DNAJB2: variants seen among roughly 807,000 people sequenced by gnomAD.
DNAJB2 encodes the protein DnaJ heat shock protein family (Hsp40) member B2.
A neutral mutation model predicts 33.3 loss-of-function variants in DNAJB2; 19 were observed. That is an observed-to-expected ratio of 0.57 (90% CI 0.40 to 0.84). The LOEUF is 0.84. Among genes scored for constraint, DNAJB2 ranks in the 40% least tolerant of loss-of-function variants. The probability of loss-of-function intolerance (pLI) is 0.00; values close to 1 mark genes in which losing one functional copy is unlikely to be tolerated. For missense variants in DNAJB2, 368 were observed against 430.9 expected, an observed-to-expected ratio of 0.85 and a Z score of 1.29; for synonymous variants, 172 against 164.6, an observed-to-expected ratio of 1.04 and a Z score of -0.34.
intron 8 of DNAJB2, 124 bp from the exon 9 acceptor site, chr2:219,284,508 A>G (rs1951935765): frequency 7.8e-7 from 1 of 1,274,684 alleles, no homozygotes; most frequent in Non-Finnish European, 1.1e-6. Flanking sequence ...CTAGGTGCCA[A>G]AATGCATGTG....
chr2:219,279,744 C>A lies in DNAJB2; in HGVS notation c.-36-54C>A. On this transcript the variant is annotated intron_variant, in intron 1 of 8. Coordinates refer to ENST00000336576, the MANE Select transcript of DNAJB2 (RefSeq NM_006736.6). The surrounding 1 kb of genome is among the most constrained non-coding windows in gnomAD (Gnocchi z 4.9). Reference sequence around the variant, plus strand: ...CGCCACCCGGGGAGGGGGACTGCTGCAGCCACAGGGTGGGGCTCTTGGTTC... The same window carrying A: ...CGCCACCCGGGGAGGGGGACTGCTGAAGCCACAGGGTGGGGCTCTTGGTTC... 2 of 1,453,750 alleles carry A rather than the reference C, an allele frequency of 1.4e-6. No homozygotes were observed. The highest frequency in any genetic ancestry group is 9.5e-7 in the Non-Finnish European group (1 of 1,051,600). The allele number at this position is 1,453,750 out of a possible 1,614,324, so 90.1% of individuals were successfully genotyped here.
In DNAJB2 at chr2:219,286,058, C is replaced by A. The variant is rs1206449434; in HGVS notation, c.*1071C>A. 2 of 1,412,756 alleles carry A rather than the reference C, an allele frequency of 1.4e-6. No individual in the cohort carries two copies. The allele number at this position is 1,412,756 out of a possible 1,614,324, so 87.5% of individuals were successfully genotyped here. On this transcript the variant is annotated 3_prime_UTR_variant, in exon 9 of 9. Coordinates refer to ENST00000336576, the MANE Select transcript of DNAJB2 (RefSeq NM_006736.6). The stretch of plus-strand genomic sequence containing the variant: ...CAACAGGACAGCGCCTTCCCCCATG[C>A]GCTGGGAGGGGACCCTCCATTTCTC...
rs1574901952 is a variant in DNAJB2 at position 219,284,553 on chromosome 2, G to A, written c.620-79G>A. 4.0e-6 allele frequency: 6 copies of A among 1,507,156 alleles called. No individual in the cohort carries two copies. The East Asian group carries it at 1.1e-4, about 29-fold the overall frequency. The allele number at this position is 1,507,156 out of a possible 1,614,324, so 93.4% of individuals were successfully genotyped here. On this transcript the variant is annotated intron_variant, in intron 8 of 8. Coordinates refer to ENST00000336576, the MANE Select transcript of DNAJB2 (RefSeq NM_006736.6). ...CAAATAAGAGACTCTAAGTGGTCAG[G>A]GTTGTTACTGTGTGAGGCAGCCTGG... is the stretch of plus-strand genomic sequence containing the variant.
At chr2:219,280,492 T>C in intron 2 of DNAJB2, 86 bp from the exon 3 acceptor site, 1 of 1,044,382 alleles carries the variant, frequency 9.6e-7, no homozygotes, top group South Asian at 1.4e-5. Context: ...AGTGATAGGC[T>C]AATGGGAAAA....
chr2:219,286,116 CTGGGTGGCGGGT>C lies in DNAJB2; in HGVS notation c.*1130_*1141del. 4.3e-6 allele frequency: 1 copy of C among 233,248 alleles called. No individual in the cohort carries two copies. Among genetic ancestry groups the C allele is most frequent in the South Asian group, 5.6e-5 (1 of 17,776 alleles). The allele number at this position is 233,248 out of a possible 1,614,324, so 14.4% of individuals were successfully genotyped here. On this transcript the variant is annotated 3_prime_UTR_variant, in exon 9 of 9. Coordinates refer to ENST00000336576, the MANE Select transcript of DNAJB2 (RefSeq NM_006736.6). ...CCCATGCTGAGTGTAGAGCCGGGGC[CTGGGTGGCGGGT>C]GGGGGCCGGGTGGGAGGTGGCAGTA...
intron 6 of DNAJB2, 54 bp downstream of exon 6, chr2:219,282,983 T>C (rs938110004): frequency 6.4e-7 from 1 of 1,565,150 alleles, no homozygotes; most frequent in Non-Finnish European, 8.7e-7. Flanking sequence ...AACCCCTGGC[T>C]TGAGCTTGTT....
At chr2:219,284,590 C>T (rs771839803) in intron 8 of DNAJB2, 42 bp from the exon 9 acceptor site, 3 of 1,543,140 alleles carry the variant, frequency 1.9e-6, no homozygotes, top group Admixed American at 3.7e-5. Context: ...AGTAATACCC[C>T]TGGCTCAGGT....
chr2:219,282,019 C>T lies in DNAJB2; in HGVS notation c.310C>T (p.Arg104Trp), dbSNP rs1559286214. The change falls in exon 5 of 9, where the codon CGG becomes TGG. Residue 104 changes from arginine (R) to tryptophan (W), a missense_variant. Transcript: ENST00000336576. ...CTTCCGCAGCCCCGAGGAGGTCTTC[C>T]GGGAATTCTTTGGGAGTGGAGACCC... is the stretch of plus-strand genomic sequence containing the variant. Reference protein sequence around the residue: ...FTFRSPEEVFREFFGSGDPFA... With the variant: ...FTFRSPEEVFWEFFGSGDPFA... 1.9e-6 allele frequency: 3 copies of T among 1,614,202 alleles called. No homozygotes were observed. The highest frequency in any genetic ancestry group is 8.5e-7 in the Non-Finnish European group (1 of 1,180,038).
intron 2 of DNAJB2, among the ~76,000 whole-genome samples, chr2:219,280,360 A>G (rs531371952): frequency 1.4e-3 from 215 of 152,300 alleles, no homozygotes; most frequent in Non-Finnish European, 2.4e-3. Flanking sequence ...CTGGCATTGT[A>G]TCCGCTTGTA....
chr2:219,280,508 C>A, intron 2 of DNAJB2, 70 bp from the exon 3 acceptor site: 1 of 1,249,208 alleles, frequency 8.0e-7, no homozygotes. Flanking sequence ...GAAAACAGGT[C>A]GTTCGGTTCC....
intron 3 of DNAJB2, 184 bp downstream of exon 3, chr2:219,280,871 C>T (rs1336470934): frequency 1.7e-5 from 10 of 589,472 alleles, no homozygotes; most frequent in Non-Finnish European, 3.0e-5. Flanking sequence ...GTAGGAGTGG[C>T]TGGCATGAGA....
intron 6 of DNAJB2, 80 bp downstream of exon 6, chr2:219,283,009 T>A: frequency 6.4e-7 from 1 of 1,567,676 alleles, no homozygotes; most frequent in South Asian, 1.2e-5. Flanking sequence ...TCCAAGCCTG[T>A]CTCCTGTGTT....
intron 8 of DNAJB2, 106 bp downstream of exon 8, chr2:219,283,595 G>A: frequency 1.7e-6 from 2 of 1,210,802 alleles, no homozygotes; most frequent in Non-Finnish European, 2.3e-6. Flanking sequence ...GGGCTTGGGA[G>A]GGAGTGGCAA....
chr2:219,283,915 C>T (rs1259762000), intron 8 of DNAJB2, among the ~76,000 whole-genome samples: 1 of 152,084 alleles, frequency 6.6e-6, no homozygotes, highest in Non-Finnish European at 1.5e-5. Context: ...AGGAGTCAAA[C>T]TCAGGACGCA....
rs1951885224 is a variant in DNAJB2 at position 219,279,603 on chromosome 2, G to A, written c.-37+85G>A. The A allele has an allele frequency of 1.8e-6, 1 of 544,122 alleles. No homozygotes were observed. Among genetic ancestry groups the A allele is most frequent in the East Asian group, 3.3e-5 (1 of 30,640 alleles). The allele number at this position is 544,122 out of a possible 1,614,324, so 33.7% of individuals were successfully genotyped here. The stretch of plus-strand genomic sequence containing the variant: ...GCCCCGATAGGGCTCCTGGGCCTGG[G>A]CGTCGAGATAGCTCTTGGCCCCGGC... On this transcript the variant is annotated intron_variant, in intron 1 of 8. Coordinates refer to ENST00000336576, the MANE Select transcript of DNAJB2 (RefSeq NM_006736.6). This position sits in a 1 kb window ranked among gnomAD's most constrained non-coding sequence, Gnocchi z 4.9.
At position 219,284,839 on chromosome 2, in the gene DNAJB2, G is replaced by A. The variant is rs753991111; in HGVS notation, c.827G>A (p.Gly276Glu). ...GCAGCTGGGAAGAAACCCGCAGGTG[G>A]GCGGGAGGCACAGCACCGACGGCAG... ...MEAAGKKPAG[G>E]REAQHRRQGR... Residue 276 changes from glycine to glutamate, a missense_variant, in exon 9 of 9, where the codon GGG (glycine) becomes GAG (glutamate). Coordinates refer to ENST00000336576, the MANE Select transcript of DNAJB2 (RefSeq NM_006736.6). 1 of 1,611,668 alleles carries A rather than the reference G, an allele frequency of 6.2e-7. No individual in the cohort carries two copies. The highest frequency in any genetic ancestry group is 1.3e-5 in the African/African-American group (1 of 75,046).
Position 219,286,395 on chromosome 2 carries a change from G to C in DNAJB2, c.*1408G>C, listed in dbSNP as rs1392266688. On this transcript the variant is annotated 3_prime_UTR_variant, in exon 9 of 9. Transcript: ENST00000336576. ...TAGGGCTGGCAGGGTTGTAGATGAA[G>C]GGGGAATGATCTGAGCCTTGGTTCC... 5.1e-6 allele frequency: 1 copy of C among 196,478 alleles called. No individual in the cohort carries two copies. Among genetic ancestry groups the C allele is most frequent in the African/African-American group, 2.3e-5 (1 of 43,808 alleles). 12.2% of individuals were successfully genotyped at this position (196,478 alleles called of 1,614,324 possible). A position where few individuals can be genotyped will look rare whatever the true frequency, so the allele number is the denominator to read the frequency against.
Position 219,279,674 on chromosome 2 carries a change from G to A in DNAJB2, c.-36-124G>A, listed in dbSNP as rs1403672943. The stretch of plus-strand genomic sequence containing the variant: ...GCCGGAGGGAGCCTAGTCACCGGCC[G>A]CAAGCAGAGCCCGGTGTGCTCCGCT... On this transcript the variant is annotated intron_variant, in intron 1 of 8. Transcript: ENST00000336576. This position sits in a 1 kb window ranked among gnomAD's most constrained non-coding sequence, Gnocchi z 4.9. The A allele has an allele frequency of 1.7e-5, 12 of 709,762 alleles. No individual in the cohort carries two copies. The highest frequency in any genetic ancestry group is 2.3e-6 in the Non-Finnish European group (1 of 434,306). The allele number at this position is 709,762 out of a possible 1,614,324, so 44.0% of individuals were successfully genotyped here. A position where few individuals can be genotyped will look rare whatever the true frequency, so the allele number is the denominator to read the frequency against.
Position 219,285,200 on chromosome 2 carries a change from TG to T in DNAJB2, c.*219del. 2.4e-6 allele frequency: 3 copies of T among 1,250,834 alleles called. No individual in the cohort carries two copies. Among genetic ancestry groups the T allele is most frequent in the African/African-American group, 1.5e-5 (1 of 65,664 alleles). 77.5% of individuals were successfully genotyped at this position (1,250,834 alleles called of 1,614,324 possible). ...GATAGGTCCCTGGTGAAGCCCAGGG[TG>T]GGGGGTGTCAGGGCAGTGGAGGGGC... On this transcript the variant is annotated 3_prime_UTR_variant, in exon 9 of 9. Coordinates refer to ENST00000336576, the MANE Select transcript of DNAJB2 (RefSeq NM_006736.6).
Sources: allele counts gnomAD v4.1 joint callset (sites outside exome capture counted in the v4.1 genomes callset), GRCh38; gene constraint gnomAD v4.1.1; non-coding constraint Gnocchi (gnomAD v3.1); transcripts MANE v1.5; gene names NCBI Gene and HGNC (gene_info 2026-07-23, HGNC 2026-07-21).